The following PACRG variants were observed in gnomAD, a reference collection of about 807,000 sequenced individuals.
PACRG encodes parkin coregulated gene protein.
In PACRG, 29 loss-of-function variants were observed where a neutral mutation model predicts 29.7. The observed-to-expected ratio is 0.98, with a 90% CI of 0.73 to 1.33. PACRG has a LOEUF of 1.33. PACRG is among the 40% of genes most tolerant of loss of function. The pLI is 0.00. For missense variants in PACRG, 279 were observed against 316.2 expected (o/e 0.88, Z 0.89); for synonymous variants, 116 against 118.7 (o/e 0.98, Z 0.15).
intron 2 of PACRG, among the ~76,000 whole-genome samples, chr6:162,926,158 CACAA>C (rs1421291669): frequency 1.3e-5 from 2 of 151,962 alleles, no homozygotes; most frequent in African/African-American, 4.8e-5. Flanking sequence ...TAAGAGAGGA[CACAA>C]ACAAATGCAA....
rs57866351 is a variant in PACRG, at chr6:163,249,015, CAA to C, written c.614-65790_614-65789del. ...TGGGCAAGAGAGCGAGACTCTGTCT[CAA>C]AAAAAAAAAAAAAAAAAAAAAGACA... is the stretch of plus-strand genomic sequence containing the variant. On this transcript the variant is annotated intron_variant, in intron 4 of 4. Transcript: ENST00000366888. Among the ~76,000 whole-genome samples the C allele has an allele frequency of 2.6e-3, 280 of 107,440 alleles. 1 individual carries two copies. Among genetic ancestry groups the C allele is most frequent in the African/African-American group, 7.6e-3 (225 of 29,758 alleles). The allele number at this position is 107,440 out of a possible 152,430, so 70.5% of individuals were successfully genotyped here.
chr6:163,313,694 G>A (rs1312877795), intron 4 of PACRG: 1 of 152,180 alleles, frequency 6.6e-6, no homozygotes, highest in Non-Finnish European at 1.5e-5. Flanking sequence ...GAAGGTCCCT[G>A]GCCCCATGGC....
intron 4 of PACRG, among the ~76,000 whole-genome samples, chr6:163,145,682 C>T (rs1777767283): frequency 6.6e-6 from 1 of 152,234 alleles, no homozygotes; most frequent in South Asian, 2.1e-4. Flanking sequence ...CAGAAAGCGT[C>T]AGTACCTGGA....
At chr6:162,768,736 G>GGA (rs1782987698) in intron 1 of PACRG, among the ~76,000 whole-genome samples, 3 of 152,032 alleles carry the variant, frequency 2.0e-5, no homozygotes, top group Admixed American at 2.0e-4. Flanking sequence ...TATATGGGGG[G>GGA]TGTTACCTGT....
At chr6:163,231,273 A>G (rs9458758) in intron 4 of PACRG, among the ~76,000 whole-genome samples, 108,574 of 151,896 alleles carry the variant, frequency 0.71, 39,743 homozygotes, top group African/African-American at 0.88. Flanking sequence ...GTCTTTTCTT[A>G]TGTCCTGTGA....
At chr6:162,936,505 T>C (rs561757827) in intron 2 of PACRG, among the ~76,000 whole-genome samples, 1 of 152,350 alleles carries the variant, frequency 6.6e-6, no homozygotes, top group South Asian at 2.1e-4. Flanking sequence ...TGCCTTGCAG[T>C]GCCTAAAAAT....
intron 4 of PACRG, among the ~76,000 whole-genome samples, chr6:163,140,041 G>A (rs2128333961): frequency 6.6e-6 from 1 of 152,242 alleles, no homozygotes; most frequent in South Asian, 2.1e-4. Flanking sequence ...AGTCAACCCA[G>A]CCCAGGCTGG....
chr6:162,896,060 C>A (rs1021643866), intron 2 of PACRG, among the ~76,000 whole-genome samples: 6 of 152,170 alleles, frequency 3.9e-5, no homozygotes, highest in African/African-American at 1.2e-4. Context: ...TTAGATCAGG[C>A]CTGTGTAGAG....
intron 2 of PACRG, among the ~76,000 whole-genome samples, chr6:162,972,736 A>G (rs1404456229): frequency 6.6e-6 from 1 of 152,184 alleles, no homozygotes; most frequent in Non-Finnish European, 1.5e-5. Context: ...CTGCCTTTCA[A>G]TGGATTTTAG....
intron 4 of PACRG, among the ~76,000 whole-genome samples, chr6:163,205,978 A>G (rs1042484372): frequency 2.0e-5 from 3 of 152,232 alleles, no homozygotes; most frequent in Non-Finnish European, 4.4e-5. Context: ...ATCACTGATC[A>G]TTACAGAAAT....
At chr6:163,247,367 A>C (rs1001427070) in intron 4 of PACRG, among the ~76,000 whole-genome samples, 4 of 151,946 alleles carry the variant, frequency 2.6e-5, no homozygotes, top group African/African-American at 9.7e-5. Flanking sequence ...TATGTTTCCT[A>C]CTCCCTTAGA....
chr6:163,272,127 C>T (rs1245275841), intron 4 of PACRG, among the ~76,000 whole-genome samples: 1 of 151,894 alleles, frequency 6.6e-6, no homozygotes, highest in Non-Finnish European at 1.5e-5. Context: ...CAACCTCCAC[C>T]TCCCAGGTTC....
At chr6:163,138,863 C>CA (rs1282972278) in intron 4 of PACRG, among the ~76,000 whole-genome samples, 1 of 152,198 alleles carries the variant, frequency 6.6e-6, no homozygotes, top group Non-Finnish European at 1.5e-5. Context: ...GGGTAACTGT[C>CA]AGAGTTTCCT....
intron 4 of PACRG, among the ~76,000 whole-genome samples, chr6:163,196,960 T>TAGATAGACAGAC (rs1554384782): frequency 6.7e-6 from 1 of 149,262 alleles, no homozygotes; most frequent in African/African-American, 2.5e-5. Flanking sequence ...GATAGATAGA[T>TAGATAGACAGAC]AGATAGATAG....
chr6:162,821,254 A>G (rs954174555), intron 2 of PACRG, among the ~76,000 whole-genome samples: 5 of 152,312 alleles, frequency 3.3e-5, no homozygotes, highest in African/African-American at 4.8e-5. Context: ...TTTTCCCCCA[A>G]GCCTCCATCT....
intron 1 of PACRG, among the ~76,000 whole-genome samples, chr6:162,730,081 AC>A (rs1425015590): frequency 6.8e-6 from 1 of 146,180 alleles, no homozygotes; most frequent in Admixed American, 6.8e-5. Flanking sequence ...TTTTTTTAAT[AC>A]CCAGTGTTTG....
At chr6:163,047,943 T>C (rs567860417) in intron 2 of PACRG, among the ~76,000 whole-genome samples, 1 of 152,372 alleles carries the variant, frequency 6.6e-6, no homozygotes, top group African/African-American at 2.4e-5. Flanking sequence ...TTAAAGTGTT[T>C]GTTTTACTTC....
At chr6:162,983,280 G>A (rs1318050388) in intron 2 of PACRG, among the ~76,000 whole-genome samples, 2 of 152,000 alleles carry the variant, frequency 1.3e-5, no homozygotes, top group African/African-American at 4.8e-5. Flanking sequence ...TATCTTTTAA[G>A]TGGAGCATTT....
chr6:163,039,097 C>T (rs769472905), intron 2 of PACRG, among the ~76,000 whole-genome samples: 28 of 152,094 alleles, frequency 1.8e-4, no homozygotes, highest in Admixed American at 5.2e-4. Context: ...CAGTTTACCC[C>T]GTGCTATTCT....
Sources: allele counts gnomAD v4.1 joint callset (sites outside exome capture counted in the v4.1 genomes callset), GRCh38; gene constraint gnomAD v4.1.1; transcripts MANE v1.5; gene names NCBI Gene and HGNC (gene_info 2026-07-23, HGNC 2026-07-21).